The following RGMA variants were observed in gnomAD, a reference collection of about 807,000 sequenced individuals.
RGMA encodes repulsive guidance molecule A.
A neutral mutation model predicts 23.2 loss-of-function variants in RGMA; 10 were observed. The observed-to-expected ratio is 0.43, with a 90% confidence interval of 0.27 to 0.73. The LOEUF (loss-of-function observed/expected upper bound fraction) is 0.73, where lower values mean the gene tolerates loss of function less well. Among genes scored for constraint, RGMA ranks in the 30% least tolerant of loss-of-function variants. The pLI, the probability that RGMA is intolerant of heterozygous loss-of-function variation, is 0.20. For missense variants in RGMA, 547 were observed against 630.5 expected (o/e 0.87, Z 1.42); for synonymous variants, 308 against 279.3 (o/e 1.10, Z -1.03).
chr15:93,042,036 G>C lies in RGMA; in HGVS notation c.*2962C>G, dbSNP rs575119879. 6.6e-6 allele frequency: 1 copy of C among 152,448 alleles called. No homozygotes were observed. Among genetic ancestry groups the C allele is most frequent in the Non-Finnish European group, 1.5e-5 (1 of 68,220 alleles). 9.4% of individuals were successfully genotyped at this position (152,448 alleles called of 1,614,324 possible). On this transcript the variant is annotated 3_prime_UTR_variant, in exon 4 of 4. Transcript: ENST00000329082. Reference sequence around the variant, plus strand: ...AAATTAGCCAGGCGTGGTGGTGTGTGCCTGTAGTCCCAGCTACTTGGGAGG... The same window carrying C: ...AAATTAGCCAGGCGTGGTGGTGTGTCCCTGTAGTCCCAGCTACTTGGGAGG...
intron 1 of RGMA, among the ~76,000 whole-genome samples, chr15:93,076,817 G>A (rs868268415): frequency 3.1e-4 from 47 of 152,302 alleles, no homozygotes; most frequent in African/African-American, 9.6e-4. Context: ...CATGCTTGGC[G>A]TACTGTGTGT....
intron 2 of RGMA, chr15:93,065,573 T>C: frequency 4.0e-6 from 3 of 744,582 alleles, no homozygotes; most frequent in Non-Finnish European, 4.7e-6. Context: ...TGGGTGTCCT[T>C]TGAGTTGGAA....
At chr15:93,074,031 A>C in intron 1 of RGMA, 1 of 1,373,392 alleles carries the variant, frequency 7.3e-7, no homozygotes. Flanking sequence ...GGAAAGAAAC[A>C]TCTCCTTCCC....
rs994160373 is a variant in RGMA at position 93,041,206 on chromosome 15, C to T, written c.*3792G>A. ...GTTTTAAAGGCCATTTCTCTCCTGT[C>T]CTATAGCCTTGCACATTCTGGTTAG... On this transcript the variant is annotated 3_prime_UTR_variant, in exon 4 of 4. Coordinates refer to ENST00000329082, the MANE Select transcript of RGMA (RefSeq NM_020211.3). 4.6e-5 allele frequency: 7 copies of T among 151,114 alleles called. No homozygotes were observed. The highest frequency in any genetic ancestry group is 1.5e-4 in the African/African-American group (6 of 41,006). The allele number at this position is 151,114 out of a possible 1,614,324, so 9.4% of individuals were successfully genotyped here.
In RGMA at chr15:93,073,002, C is replaced by T. The variant is rs1417354053; in HGVS notation, c.44G>A (p.Gly15Glu). Residue 15 changes from glycine to glutamate, a missense_variant, in exon 2 of 4, where the codon GGA (glycine) becomes GAA (glutamate). Gly to Glu is a moderately conservative substitution (Grantham distance 98). Transcript: ENST00000329082. The stretch of plus-strand genomic sequence containing the variant: ...TGCCCCTCTCCCCATACCCATCCAT[C>T]CAGCTCGGCCTGTTACCACTAGCCT... ...RERLVVTGRA[G>E]WMGMGRGAGR... The T allele has an allele frequency of 1.2e-6, 2 of 1,611,080 alleles. No individual in the cohort carries two copies. Among genetic ancestry groups the T allele is most frequent in the Non-Finnish European group, 1.7e-6 (2 of 1,178,848 alleles).
intron 3 of RGMA, among the ~76,000 whole-genome samples, chr15:93,046,309 C>T (rs1778319775): frequency 6.6e-6 from 1 of 152,128 alleles, no homozygotes; most frequent in Non-Finnish European, 1.5e-5. Context: ...TGGCCACAAA[C>T]CAAGGGATGC....
intron 1 of RGMA, among the ~76,000 whole-genome samples, chr15:93,075,058 G>A (rs950458912): frequency 6.6e-6 from 1 of 151,854 alleles, no homozygotes; most frequent in African/African-American, 2.4e-5. Flanking sequence ...CCCTTCTGGG[G>A]CTGCCCTTGC....
rs371303638 is a variant in RGMA at position 93,049,429 on chromosome 15, T to C, written c.645+2564A>G. On this transcript the variant is annotated intron_variant, in intron 3 of 3. Coordinates refer to ENST00000329082, the MANE Select transcript of RGMA (RefSeq NM_020211.3). ...GTTCCTGTCCTCTCCTGAGTCTCAG[T>C]TTCTTTGTCTGTAAAATGGGTATCA... is the stretch of plus-strand genomic sequence containing the variant. Among the ~76,000 whole-genome samples the C allele has an allele frequency of 1.8e-3, 281 of 152,272 alleles. 1 individual carries two copies. Among genetic ancestry groups the C allele is most frequent in the African/African-American group, 6.2e-3 (258 of 41,550 alleles).
intron 2 of RGMA, chr15:93,062,735 T>G (rs1416247556): frequency 6.6e-6 from 1 of 152,244 alleles, no homozygotes; most frequent in African/African-American, 2.4e-5. Context: ...TCCCCAAGGC[T>G]GCTTCTCCCA....
chr15:93,064,169 G>C (rs907476784), intron 2 of RGMA, among the ~76,000 whole-genome samples: 13 of 79,216 alleles, frequency 1.6e-4, no homozygotes, highest in Non-Finnish European at 3.6e-4. Context: ...CAGCTTCAGT[G>C]GGGGGGCTGA....
rs75786930 is a variant in RGMA, at chr15:93,080,905, C to G, written c.15-7874G>C. Among the ~76,000 whole-genome samples the G allele has an allele frequency of 1.7e-3, 265 of 152,320 alleles. 2 individuals carry two copies. Among genetic ancestry groups the G allele is most frequent in the African/African-American group, 6.1e-3 (253 of 41,564 alleles). ...TTTCTTAATGAAAGTCTCCCCCCGA[C>G]CACCGCTTTCTTCTTAAAACTCTTG... On this transcript the variant is annotated intron_variant, in intron 1 of 3. Transcript: ENST00000329082.
Position 93,045,819 on chromosome 15 carries a change from C to T in RGMA, c.646-114G>A. On this transcript the variant is annotated intron_variant, in intron 3 of 3. Transcript: ENST00000329082. This position sits in a 1 kb window ranked among gnomAD's most constrained non-coding sequence, Gnocchi z 6.9. ...GGCAGGAAGGATCCCCAGGGATGCC[C>T]CAGACACTCCCTTCTCCAGGTTGGA... 1.4e-6 allele frequency: 1 copy of T among 719,256 alleles called. No individual in the cohort carries two copies. Among genetic ancestry groups the T allele is most frequent in the Non-Finnish European group, 2.4e-6 (1 of 424,466 alleles). 44.6% of individuals were successfully genotyped at this position (719,256 alleles called of 1,614,324 possible). A position where few individuals can be genotyped will look rare whatever the true frequency, so the allele number is the denominator to read the frequency against.
At chr15:93,069,113 T>G (rs75088188) in intron 2 of RGMA, among the ~76,000 whole-genome samples, 20 of 135,590 alleles carry the variant, frequency 1.5e-4, no homozygotes, top group African/African-American at 4.9e-4. Flanking sequence ...TGCATTTTTT[T>G]TTTGTTTGTT....
At chr15:93,068,496 G>C (rs898170127) in intron 2 of RGMA, among the ~76,000 whole-genome samples, 1 of 152,160 alleles carries the variant, frequency 6.6e-6, no homozygotes, top group Admixed American at 6.5e-5. Flanking sequence ...CTGAGCGCTG[G>C]AGTGACTACT....
chr15:93,051,297 G>A lies in RGMA; in HGVS notation c.645+696C>T, dbSNP rs1296877576. 2.6e-5 allele frequency among the ~76,000 whole-genome samples: 4 copies of A among 152,184 alleles called. No homozygotes were observed. The East Asian group carries it at 7.7e-4, about 29-fold the overall frequency. On this transcript the variant is annotated intron_variant, in intron 3 of 3. Coordinates refer to ENST00000329082, the MANE Select transcript of RGMA (RefSeq NM_020211.3). ...TGCCCGACACACGGCCTTCCAACTG[G>A]CTCTTCCTAGGAAAACAGACCCACT...
At chr15:93,072,771 A>T in intron 2 of RGMA, 145 bp downstream of exon 2, 1 of 916,670 alleles carries the variant, frequency 1.1e-6, no homozygotes, top group South Asian at 1.8e-5. Context: ...GGGGTGCGGG[A>T]GAAACAAAAG....
intron 1 of RGMA, chr15:93,073,860 C>T (rs371532635): frequency 6.7e-7 from 1 of 1,483,346 alleles, no homozygotes; most frequent in East Asian, 2.5e-5. Context: ...GCGGGCCTAA[C>T]CTTGCCACCT....
rs1310177113 is a variant in RGMA at position 93,042,760 on chromosome 15, G to C, written c.*2238C>G. ...TGGGTAGTTTGTACAGATGAAATGTGATCACAGCTGCCAATAAACCTGGTC... is the reference window on the plus strand; with the variant it reads ...TGGGTAGTTTGTACAGATGAAATGTCATCACAGCTGCCAATAAACCTGGTC... On this transcript the variant is annotated 3_prime_UTR_variant, in exon 4 of 4. Coordinates refer to ENST00000329082, the MANE Select transcript of RGMA (RefSeq NM_020211.3). 6.6e-6 allele frequency: 1 copy of C among 152,250 alleles called. No homozygotes were observed. The highest frequency in any genetic ancestry group is 1.5e-5 in the Non-Finnish European group (1 of 68,082). 9.4% of individuals were successfully genotyped at this position (152,250 alleles called of 1,614,324 possible).
intron 2 of RGMA, among the ~76,000 whole-genome samples, chr15:93,072,702 G>A (rs1415133396): frequency 6.6e-6 from 1 of 152,158 alleles, no homozygotes; most frequent in Non-Finnish European, 1.5e-5. Context: ...TCCATCTCAC[G>A]GCAACTCGGG....
Sources: gnomAD v4.1 joint callset for allele counts (sites outside exome capture counted in the v4.1 genomes callset) on GRCh38, gnomAD v4.1.1 for gene constraint, Gnocchi (gnomAD v3.1) non-coding constraint, MANE v1.5 for transcripts, NCBI Gene and HGNC (gene_info 2026-07-23, HGNC 2026-07-21) for gene names.